The following EHBP1 variants were observed in gnomAD, a reference collection of about 807,000 sequenced individuals.
EHBP1 encodes EH domain binding protein 1.
EHBP1 carries 55 observed loss-of-function variants against 144.0 expected under a neutral mutation model. That is an observed-to-expected ratio of 0.38 (90% CI 0.31 to 0.48). The LOEUF (loss-of-function observed/expected upper bound fraction) is 0.48, where lower values mean the gene tolerates loss of function less well. Ranked by LOEUF, EHBP1 falls within the 20% of genes least tolerant of loss-of-function variation. The pLI, the probability that EHBP1 is intolerant of heterozygous loss-of-function variation, is 0.98. For missense variants in EHBP1, 1,200 were observed against 1,364.2 expected (o/e 0.88, Z 1.90); for synonymous variants, 469 against 472.7 (o/e 0.99, Z 0.10).
chr2:62,912,118 A>C (rs1558901390), intron 10 of EHBP1, among the ~76,000 whole-genome samples: 1 of 152,168 alleles, frequency 6.6e-6, no homozygotes, highest in South Asian at 2.1e-4. Flanking sequence ...TTGGAGGAAC[A>C]AAAAAACCAT....
At chr2:63,024,072 G>A (rs1255839464) in intron 19 of EHBP1, among the ~76,000 whole-genome samples, 1 of 152,086 alleles carries the variant, frequency 6.6e-6, no homozygotes, top group Non-Finnish European at 1.5e-5. Context: ...TCAGCCAGGC[G>A]CGGTGGCTCA....
intron 3 of EHBP1, among the ~76,000 whole-genome samples, chr2:62,762,158 A>G (rs965263955): frequency 4.6e-5 from 7 of 152,112 alleles, no homozygotes; most frequent in South Asian, 2.1e-4. Flanking sequence ...GCCTCATCCT[A>G]TTTGACTTGT....
chr2:62,709,826 T>C (rs360802), intron 2 of EHBP1, among the ~76,000 whole-genome samples: 22,911 of 151,948 alleles, frequency 0.15, 2,087 homozygotes, highest in Middle Eastern at 0.24. Flanking sequence ...ATACCAGAAT[T>C]ATTTATACCA....
At chr2:62,967,467 T>C (rs986281465) in intron 14 of EHBP1, among the ~76,000 whole-genome samples, 5 of 152,102 alleles carry the variant, frequency 3.3e-5, no homozygotes, top group African/African-American at 1.2e-4. Flanking sequence ...GGCAAAAGGC[T>C]AGGTATAGAT....
intron 19 of EHBP1, among the ~76,000 whole-genome samples, chr2:63,024,647 CTT>C (rs1489489652): frequency 1.3e-5 from 2 of 149,692 alleles, no homozygotes; most frequent in East Asian, 3.9e-4. Flanking sequence ...AAATTTAACA[CTT>C]TTAAGACCAT....
chr2:63,021,750 C>T (rs1033117608), intron 19 of EHBP1, among the ~76,000 whole-genome samples: 1 of 152,066 alleles, frequency 6.6e-6, no homozygotes, highest in Non-Finnish European at 1.5e-5. Context: ...ACACCTTTCT[C>T]CCAGTTTCCC....
At chr2:62,993,454 A>G in intron 16 of EHBP1, 76 bp from the exon 17 acceptor site, 1 of 1,290,082 alleles carries the variant, frequency 7.8e-7, no homozygotes, top group South Asian at 2.5e-5. Context: ...TTAAATCAGT[A>G]AAAATTGCCT....
intron 5 of EHBP1, among the ~76,000 whole-genome samples, chr2:62,799,986 G>A (rs893281962): frequency 6.6e-6 from 1 of 152,200 alleles, no homozygotes; most frequent in African/African-American, 2.4e-5. Flanking sequence ...AGTACTCGTG[G>A]TAGAAAGCAA....
At chr2:62,854,554 A>G (rs577796805) in intron 7 of EHBP1, among the ~76,000 whole-genome samples, 7 of 152,218 alleles carry the variant, frequency 4.6e-5, no homozygotes, top group Admixed American at 4.6e-4. Flanking sequence ...TGTGTCTGAG[A>G]AAATAAGGAG....
At chr2:62,733,055 T>C (rs552282255) in intron 2 of EHBP1, among the ~76,000 whole-genome samples, 21 of 152,364 alleles carry the variant, frequency 1.4e-4, no homozygotes, top group African/African-American at 4.6e-4. Flanking sequence ...TTGTTCTAAA[T>C]TTCAGTTCTG....
At chr2:62,791,572 T>C (rs1006423985) in intron 5 of EHBP1, among the ~76,000 whole-genome samples, 1 of 151,988 alleles carries the variant, frequency 6.6e-6, no homozygotes, top group Non-Finnish European at 1.5e-5. Context: ...TATTATAAAG[T>C]TTTAAATTCT....
At chr2:62,813,487 G>A (rs1273357621) in intron 5 of EHBP1, among the ~76,000 whole-genome samples, 1 of 152,196 alleles carries the variant, frequency 6.6e-6, no homozygotes, top group East Asian at 1.9e-4. Context: ...CCTCACCAAG[G>A]TGATACTTAC....
At chr2:63,044,279 A>AAAAG in intron 21 of EHBP1, 1 of 147,534 alleles carries the variant, frequency 6.8e-6, no homozygotes, top group African/African-American at 2.5e-5. Flanking sequence ...AAAAAAAAAA[A>AAAAG]CGCCCCCCAT....
intron 13 of EHBP1, among the ~76,000 whole-genome samples, chr2:62,951,689 T>A (rs996221735): frequency 6.6e-6 from 1 of 151,796 alleles, no homozygotes; most frequent in African/African-American, 2.4e-5. Context: ...CATGCCCAGT[T>A]AATTTTTGTA....
intron 10 of EHBP1, among the ~76,000 whole-genome samples, chr2:62,876,071 T>G (rs1333286585): frequency 1.3e-5 from 2 of 152,192 alleles, no homozygotes; most frequent in Non-Finnish European, 2.9e-5. Flanking sequence ...AAGGATATTG[T>G]CCATGAAAAT....
At chr2:62,920,394 G>A (rs1450629370) in intron 10 of EHBP1, among the ~76,000 whole-genome samples, 1 of 152,148 alleles carries the variant, frequency 6.6e-6, no homozygotes, top group Non-Finnish European at 1.5e-5. Context: ...CTTCAAAAAT[G>A]AGGGAGAAAT....
At chr2:62,987,985 T>C (rs766171745) in intron 15 of EHBP1, 5 of 1,608,380 alleles carry the variant, frequency 3.1e-6, no homozygotes, top group Admixed American at 1.7e-5. Context: ...GAAGGCTTTG[T>C]TGTAGGAGGT....
At chr2:62,793,105 G>T (rs757781134) in intron 5 of EHBP1, among the ~76,000 whole-genome samples, 16 of 151,680 alleles carry the variant, frequency 1.1e-4, no homozygotes, top group Non-Finnish European at 2.2e-4. Context: ...TTTTTTTAGG[G>T]TGCTATTTGT....
chr2:63,040,719 A>G (rs997659429), intron 21 of EHBP1, among the ~76,000 whole-genome samples: 7 of 152,320 alleles, frequency 4.6e-5, no homozygotes, highest in African/African-American at 1.7e-4. Flanking sequence ...TGAGAAAAGG[A>G]GCAGCCTGTT....
Sources: gnomAD v4.1 joint callset for allele counts (sites outside exome capture counted in the v4.1 genomes callset) on GRCh38, gnomAD v4.1.1 for gene constraint, MANE v1.5 for transcripts, NCBI Gene and HGNC (gene_info 2026-07-23, HGNC 2026-07-21) for gene names.